AGBL1: variants seen among roughly 807,000 people sequenced by gnomAD.
The protein encoded by AGBL1 is cytosolic carboxypeptidase 4.
A neutral mutation model predicts 118.9 loss-of-function variants in AGBL1; 130 were observed. The observed-to-expected ratio is 1.09, with a 90% CI of 0.95 to 1.26. AGBL1 has a LOEUF of 1.26. Among genes scored for constraint, AGBL1 ranks in the 50% most tolerant of loss-of-function variants. The pLI is 0.00. For synonymous variants in AGBL1, 555 were observed against 478.9 expected, an observed-to-expected ratio of 1.16 and a Z score of -2.08; for missense variants, 1,584 against 1,298.1, an observed-to-expected ratio of 1.22 and a Z score of -3.38.
intron 23 of AGBL1, among the ~76,000 whole-genome samples, chr15:86,940,235 G>C (rs915618816): frequency 5.9e-5 from 9 of 151,414 alleles, no homozygotes; most frequent in East Asian, 5.8e-4. Context: ...CCTTTGATTT[G>C]GTATGTCTTG....
intron 21 of AGBL1, among the ~76,000 whole-genome samples, chr15:86,612,854 C>T (rs1228897900): frequency 6.6e-6 from 1 of 152,150 alleles, no homozygotes; most frequent in Non-Finnish European, 1.5e-5. Context: ...TTGGCTTCTG[C>T]AATATCCCTC....
chr15:86,696,277 C>G lies in AGBL1; in HGVS notation c.3158+21841C>G, dbSNP rs562722225. Among the ~76,000 whole-genome samples, 11 of 151,890 alleles carry G rather than the reference C, an allele frequency of 7.2e-5. 1 individual carries two copies. The South Asian group carries it at 2.1e-3, about 29-fold the overall frequency. On this transcript the variant is annotated intron_variant, in intron 22 of 22. Coordinates refer to ENST00000614907, the MANE Select transcript of AGBL1 (RefSeq NM_001386094.1). Reference sequence around the variant, plus strand: ...TTGGGAGCTCCAGTGTTAGATGCATCTATATTTAGGATTGTGATATTTTCC... The same window carrying G: ...TTGGGAGCTCCAGTGTTAGATGCATGTATATTTAGGATTGTGATATTTTCC...
chr15:86,970,985 A>G (rs2081102456), intron 23 of AGBL1, among the ~76,000 whole-genome samples: 1 of 152,076 alleles, frequency 6.6e-6, no homozygotes, highest in South Asian at 2.1e-4. Context: ...AATTTAAAGT[A>G]TACAGGAGAA....
chr15:86,679,187 GTTACTT>G (rs1441739557), intron 22 of AGBL1, among the ~76,000 whole-genome samples: 4 of 152,028 alleles, frequency 2.6e-5, no homozygotes, highest in African/African-American at 9.7e-5. Flanking sequence ...GCTCGTCTAT[GTTACTT>G]TTATAAAATC....
intron 21 of AGBL1, among the ~76,000 whole-genome samples, chr15:86,559,154 C>A (rs1462568253): frequency 2.6e-5 from 4 of 152,146 alleles, no homozygotes; most frequent in African/African-American, 9.7e-5. Context: ...CTTATAAGGA[C>A]ACCAGACATA....
chr15:86,217,628 T>A (rs1317736164), intron 5 of AGBL1, among the ~76,000 whole-genome samples: 2 of 152,098 alleles, frequency 1.3e-5, no homozygotes, highest in East Asian at 3.9e-4. Context: ...GGATAAAGTA[T>A]GAGATACAGG....
intron 18 of AGBL1, among the ~76,000 whole-genome samples, chr15:86,410,861 A>ATATTATAT (rs2081604166): frequency 1.4e-5 from 1 of 71,214 alleles, no homozygotes; most frequent in African/African-American, 4.9e-5. Context: ...TTTTATATAT[A>ATATTATAT]AAATATATAA....
intron 1 of AGBL1, among the ~76,000 whole-genome samples, chr15:86,087,451 C>G (rs1216339653): frequency 6.6e-6 from 1 of 151,872 alleles, no homozygotes; most frequent in Non-Finnish European, 1.5e-5. Flanking sequence ...GCCTCAGACT[C>G]CTGAGTAGCT....
At chr15:86,696,507 A>T (rs1308907105) in intron 22 of AGBL1, among the ~76,000 whole-genome samples, 1 of 151,588 alleles carries the variant, frequency 6.6e-6, no homozygotes, top group African/African-American at 2.4e-5. Flanking sequence ...GAGGCAGCAG[A>T]TAGATAGATA....
At chr15:86,463,902 A>G (rs2082364165) in intron 18 of AGBL1, among the ~76,000 whole-genome samples, 1 of 152,158 alleles carries the variant, frequency 6.6e-6, no homozygotes, top group Non-Finnish European at 1.5e-5. Flanking sequence ...CTTTTTGCTT[A>G]GGATTGTCTT....
At chr15:86,363,355 C>T (rs1000540826) in intron 17 of AGBL1, among the ~76,000 whole-genome samples, 3 of 152,016 alleles carry the variant, frequency 2.0e-5, no homozygotes, top group African/African-American at 4.8e-5. Context: ...GAGGTTTGTT[C>T]CCATATTCTT....
intron 18 of AGBL1, among the ~76,000 whole-genome samples, chr15:86,401,073 C>T (rs2081437740): frequency 6.6e-6 from 1 of 152,136 alleles, no homozygotes; most frequent in African/African-American, 2.4e-5. Context: ...CTTACATTCC[C>T]ACCAGCAGTG....
At chr15:86,753,669 A>G (rs2077890411) in intron 22 of AGBL1, among the ~76,000 whole-genome samples, 1 of 152,094 alleles carries the variant, frequency 6.6e-6, no homozygotes, top group African/African-American at 2.4e-5. Context: ...AAGTGCTGGG[A>G]GTACAGGCGT....
chr15:86,608,686 C>G (rs1337865223), intron 21 of AGBL1, among the ~76,000 whole-genome samples: 1 of 152,170 alleles, frequency 6.6e-6, no homozygotes, highest in Non-Finnish European at 1.5e-5. Context: ...TACCGGAGAA[C>G]TCTGCCCATT....
chr15:86,756,736 G>A (rs2077946806), intron 22 of AGBL1, among the ~76,000 whole-genome samples: 1 of 151,998 alleles, frequency 6.6e-6, no homozygotes, highest in Admixed American at 6.6e-5. Flanking sequence ...CAGTATGGCC[G>A]ATCGAATTGT....
intron 7 of AGBL1, among the ~76,000 whole-genome samples, chr15:86,251,835 ACTC>A (rs1567156285): frequency 6.6e-6 from 1 of 151,994 alleles, no homozygotes; most frequent in Non-Finnish European, 1.5e-5. Context: ...AAAAAAAAGA[ACTC>A]CTACAAGGAT....
chr15:86,608,229 T>G (rs1021275783), intron 21 of AGBL1, among the ~76,000 whole-genome samples: 9 of 152,252 alleles, frequency 5.9e-5, no homozygotes, highest in Admixed American at 6.5e-5. Context: ...ACCAGAAATA[T>G]CACTACAAGG....
chr15:86,845,090 T>C (rs1280397713), intron 22 of AGBL1, among the ~76,000 whole-genome samples: 1 of 152,148 alleles, frequency 6.6e-6, no homozygotes, highest in Non-Finnish European at 1.5e-5. Context: ...AGTATTAAAA[T>C]CAAAGTCCTC....
chr15:86,437,165 G>A (rs181804426), intron 18 of AGBL1, among the ~76,000 whole-genome samples: 68 of 152,230 alleles, frequency 4.5e-4, no homozygotes, highest in Middle Eastern at 3.4e-3. Context: ...AAGAAGGTAT[G>A]GACTAGAGAA....
Sources: allele counts gnomAD v4.1 joint callset (sites outside exome capture counted in the v4.1 genomes callset), GRCh38; gene constraint gnomAD v4.1.1; transcripts MANE v1.5; gene names NCBI Gene and HGNC (gene_info 2026-07-23, HGNC 2026-07-21).